The following MCF2L2 variants were observed in gnomAD, a reference collection of about 807,000 sequenced individuals.
MCF2L2 encodes MCF.2 cell line derived transforming sequence-like 2.
In MCF2L2, 102 loss-of-function variants were observed where a neutral mutation model predicts 150.2. That is an observed-to-expected ratio of 0.68 (90% CI 0.58 to 0.80). The LOEUF (loss-of-function observed/expected upper bound fraction) is 0.80. Among genes scored for constraint, MCF2L2 ranks in the 30% least tolerant of loss-of-function variants. The probability of loss-of-function intolerance (pLI) is 0.00; values close to 1 mark genes in which losing one functional copy is unlikely to be tolerated. For missense variants in MCF2L2, 1,256 were observed against 1,372.8 expected, an observed-to-expected ratio of 0.91 and a Z score of 1.34; for synonymous variants, 465 against 491.3, an observed-to-expected ratio of 0.95 and a Z score of 0.71.
chr3:183,419,066 C>T (rs376945546), intron 1 of MCF2L2, among the ~76,000 whole-genome samples: 1 of 152,234 alleles, frequency 6.6e-6, no homozygotes, highest in South Asian at 2.1e-4. Flanking sequence ...TAGGAGGTTT[C>T]CCAAACCTCA....
intron 1 of MCF2L2, among the ~76,000 whole-genome samples, chr3:183,395,421 C>A (rs904960547): frequency 7.2e-5 from 11 of 152,160 alleles, no homozygotes; most frequent in South Asian, 2.1e-4. Context: ...ATATATGAAA[C>A]AGTTGTGTTA....
At chr3:183,358,756 G>T (rs1046181464) in intron 3 of MCF2L2, among the ~76,000 whole-genome samples, 1 of 152,008 alleles carries the variant, frequency 6.6e-6, no homozygotes, top group Non-Finnish European at 1.5e-5. Context: ...GAGTAGCTGG[G>T]ACTACAGGCA....
At chr3:183,223,272 G>T in intron 20 of MCF2L2, 74 bp downstream of exon 20, 1 of 1,106,760 alleles carries the variant, frequency 9.0e-7, no homozygotes, top group Non-Finnish European at 1.4e-6. Flanking sequence ...AGCTCTACAT[G>T]TGTAACGACA....
intron 1 of MCF2L2, among the ~76,000 whole-genome samples, chr3:183,427,486 T>A (rs546987828): frequency 2.0e-5 from 3 of 152,312 alleles, no homozygotes; most frequent in African/African-American, 7.2e-5. Context: ...AAACAAGCCT[T>A]CAGTGGCGTG....
intron 3 of MCF2L2, among the ~76,000 whole-genome samples, chr3:183,349,103 T>C (rs1225537073): frequency 1.3e-5 from 2 of 152,250 alleles, no homozygotes; most frequent in Non-Finnish European, 2.9e-5. Context: ...AAATTTTACA[T>C]GATGCTAATC....
At position 183,193,089 on chromosome 3, in the gene MCF2L2, T is replaced by G. The variant is rs955989541; in HGVS notation, c.2926A>C (p.Ser976Arg). The G allele has an allele frequency of 1.9e-6, 3 of 1,613,642 alleles. No homozygotes were observed. The highest frequency in any genetic ancestry group is 1.7e-6 in the Non-Finnish European group (2 of 1,179,686). The change falls in exon 27 of 30, where the codon AGT (serine) becomes CGT (arginine). Residue 976 changes from serine (S) to arginine (R), a missense_variant. By Grantham distance (110) the Ser-to-Arg change is moderately radical. Transcript: ENST00000328913. ...PQFEMSTSKG[S>R]GAGSGPWIKN... ...ATCCATGGTCCGGATCCTGCTCCACTGCCTTTGCTTTAGAGAAATAAACAT... is the reference window on the plus strand; with the variant it reads ...ATCCATGGTCCGGATCCTGCTCCACGGCCTTTGCTTTAGAGAAATAAACAT...
At chr3:183,269,734 T>C (rs1017468063) in intron 15 of MCF2L2, 1 of 1,440,642 alleles carries the variant, frequency 6.9e-7, no homozygotes, top group Non-Finnish European at 9.4e-7. Context: ...CACGAAGTTC[T>C]ATGGTCTCGA....
chr3:183,370,522 A>G lies in MCF2L2; in HGVS notation c.275+8775T>C, dbSNP rs1214096227. ...GTGTTTTGAATTTCTGAAGCAATCT[A>G]AATTGAAATGTCGAAAGATGGAACG... On this transcript the variant is annotated intron_variant, in intron 3 of 29. Coordinates refer to ENST00000328913, the MANE Select transcript of MCF2L2 (RefSeq NM_015078.4). Among the ~76,000 whole-genome samples, 3 of 152,274 alleles carry G rather than the reference A, an allele frequency of 2.0e-5. No individual in the cohort carries two copies. The East Asian group carries it at 5.8e-4, about 29-fold the overall frequency.
intron 1 of MCF2L2, among the ~76,000 whole-genome samples, chr3:183,398,266 T>C (rs1253410272): frequency 6.6e-6 from 1 of 152,122 alleles, no homozygotes; most frequent in Non-Finnish European, 1.5e-5. Flanking sequence ...ACTTCTAAGC[T>C]AGGGTATTTA....
chr3:183,187,609 C>T (rs1284295216), intron 27 of MCF2L2, among the ~76,000 whole-genome samples: 3 of 152,198 alleles, frequency 2.0e-5, no homozygotes, highest in Non-Finnish European at 4.4e-5. Context: ...GCTGGGACGA[C>T]AGGCATGCGC....
intron 1 of MCF2L2, among the ~76,000 whole-genome samples, chr3:183,422,718 T>G (rs1031335195): frequency 6.6e-6 from 1 of 152,230 alleles, no homozygotes; most frequent in Non-Finnish European, 1.5e-5. Context: ...TCAGGTACCA[T>G]AGACACTCAC....
chr3:183,412,304 T>C lies in MCF2L2; in HGVS notation c.76+15598A>G, dbSNP rs567591647. On this transcript the variant is annotated intron_variant, in intron 1 of 29. Coordinates refer to ENST00000328913, the MANE Select transcript of MCF2L2 (RefSeq NM_015078.4). ...GTTTGTTTGTTTGTTGTTGTTGTTGTTGTTGTTTGAGACAGAGTCTCCCTC... is the reference window on the plus strand; with the variant it reads ...GTTTGTTTGTTTGTTGTTGTTGTTGCTGTTGTTTGAGACAGAGTCTCCCTC... 9.9e-5 allele frequency among the ~76,000 whole-genome samples: 15 copies of C among 152,156 alleles called. No homozygotes were observed. In the South Asian group the frequency reaches 2.9e-3, roughly 29 times the overall value.
At position 183,179,452 on chromosome 3, in the gene MCF2L2, C is replaced by T; in HGVS notation, c.3273G>A (p.Leu1091=). 1.9e-6 allele frequency: 3 copies of T among 1,591,222 alleles called. No homozygotes were observed. The highest frequency in any genetic ancestry group is 2.6e-6 in the Non-Finnish European group (3 of 1,168,008). ...EERAGASTGR[L]APAGATAGFQ... ...AACCAGCCGTCGCCCCCGCAGGAGC[C>T]AGCCGGCCCGTGGACGCCCCAGCGC... The change falls in exon 30 of 30, where the codon CTG becomes CTA. Residue 1091 remains leucine, a synonymous_variant. Coordinates refer to ENST00000328913, the MANE Select transcript of MCF2L2 (RefSeq NM_015078.4). This position sits in a 1 kb window ranked among gnomAD's most constrained non-coding sequence, Gnocchi z 4.2.
At chr3:183,259,559 T>C (rs1390804242) in intron 15 of MCF2L2, among the ~76,000 whole-genome samples, 1 of 152,190 alleles carries the variant, frequency 6.6e-6, no homozygotes, top group East Asian at 1.9e-4. Flanking sequence ...ACGGTTTTGA[T>C]ACAGCTTTTT....
At chr3:183,228,249 T>C in intron 18 of MCF2L2, 48 bp downstream of exon 18, 1 of 1,441,044 alleles carries the variant, frequency 6.9e-7, no homozygotes, top group South Asian at 1.2e-5. Flanking sequence ...AACGCAGAAA[T>C]GTAAGGGCTG....
chr3:183,232,944 T>C (rs1723625106), intron 15 of MCF2L2, among the ~76,000 whole-genome samples: 1 of 152,234 alleles, frequency 6.6e-6, no homozygotes, highest in African/African-American at 2.4e-5. Context: ...GTAAAACACG[T>C]GCTCCTTGGT....
chr3:183,214,549 G>C (rs1412838131), intron 22 of MCF2L2, among the ~76,000 whole-genome samples: 5 of 151,666 alleles, frequency 3.3e-5, no homozygotes, highest in Non-Finnish European at 7.4e-5. Flanking sequence ...GACAAGGAAA[G>C]AAAAGTCATT....
At chr3:183,280,404 C>T (rs1252839045) in intron 14 of MCF2L2, among the ~76,000 whole-genome samples, 5 of 151,616 alleles carry the variant, frequency 3.3e-5, no homozygotes, top group Non-Finnish European at 1.5e-5. Context: ...GATTTTCAAT[C>T]GATTATTGAA....
At chr3:183,352,721 C>A (rs1015857951) in intron 3 of MCF2L2, among the ~76,000 whole-genome samples, 2 of 152,106 alleles carry the variant, frequency 1.3e-5, no homozygotes, top group African/African-American at 4.8e-5. Flanking sequence ...GCAGGGTATA[C>A]CCCTCCTCAC....
Sources: gnomAD v4.1 joint callset for allele counts (sites outside exome capture counted in the v4.1 genomes callset) on GRCh38, gnomAD v4.1.1 for gene constraint, Gnocchi (gnomAD v3.1) non-coding constraint, MANE v1.5 for transcripts, NCBI Gene and HGNC (gene_info 2026-07-23, HGNC 2026-07-21) for gene names.